Variants in DLC1 observed in about 807,000 individuals in gnomAD.
The protein encoded by DLC1 is DLC1 Rho GTPase activating protein.
Under a neutral mutation model 140.3 loss-of-function variants are expected in DLC1, and 54 were observed. The observed-to-expected ratio is 0.38, with a 90% CI of 0.31 to 0.48. DLC1 has a LOEUF of 0.48. DLC1 is among the 20% of genes least tolerant of loss of function. The pLI is 0.96. For synonymous variants in DLC1, 986 were observed against 728.1 expected, an observed-to-expected ratio of 1.35 and a Z score of -5.70; for missense variants, 2,536 against 1,907.0, an observed-to-expected ratio of 1.33 and a Z score of -6.14.
At chr8:13,119,226 TAAAAAAAA>T (rs757073542) in intron 5 of DLC1, among the ~76,000 whole-genome samples, 1 of 119,712 alleles carries the variant, frequency 8.4e-6, no homozygotes, top group Admixed American at 8.6e-5. Flanking sequence ...AGACCCTGTC[TAAAAAAAA>T]AAAAAAAAAA....
chr8:13,568,121 A>G, intron 1 of DLC1: 1 of 724,714 alleles, frequency 1.4e-6, no homozygotes, highest in East Asian at 2.9e-5. Context: ...ATAGTTATAA[A>G]AACTTTTACA....
At chr8:13,150,971 C>G (rs969253201) in intron 5 of DLC1, among the ~76,000 whole-genome samples, 1 of 152,104 alleles carries the variant, frequency 6.6e-6, no homozygotes, top group African/African-American at 2.4e-5. Flanking sequence ...GTAGTCAAGG[C>G]CCTCAGTGAA....
At chr8:13,201,987 C>G (rs1354878958) in intron 5 of DLC1, among the ~76,000 whole-genome samples, 1 of 145,716 alleles carries the variant, frequency 6.9e-6, no homozygotes, top group Non-Finnish European at 1.5e-5. Context: ...TGCTCTGTCA[C>G]CAGGCTGGAG....
rs533702249 is a variant in DLC1, at chr8:13,522,843, T to G, written c.-125-22647A>C. Among the ~76,000 whole-genome samples the G allele has an allele frequency of 2.0e-4, 31 of 152,024 alleles. No homozygotes were observed. In the East Asian group the frequency reaches 5.4e-3, roughly 27 times the overall value. On this transcript the variant is annotated intron_variant, in intron 1 of 1. Coordinates refer to the DLC1 transcript ENST00000631382. ...GCAAAGGTGGCTTATCAGTAATGAC[T>G]TAAAAAAAGGTGAGAGAGATGACCA...
At chr8:13,383,315 G>A (rs1376493741) in intron 4 of DLC1, among the ~76,000 whole-genome samples, 2 of 152,150 alleles carry the variant, frequency 1.3e-5, no homozygotes, top group African/African-American at 2.4e-5. Flanking sequence ...GAGGGTCTAC[G>A]GTTGTTATTC....
intron 4 of DLC1, among the ~76,000 whole-genome samples, chr8:13,337,091 T>C (rs1833839687): frequency 6.6e-6 from 1 of 152,172 alleles, no homozygotes; most frequent in Non-Finnish European, 1.5e-5. Context: ...TTCAAATACC[T>C]GCTTGACAAT....
intron 5 of DLC1, among the ~76,000 whole-genome samples, chr8:13,207,881 T>C (rs1471343114): frequency 1.3e-5 from 2 of 152,188 alleles, no homozygotes; most frequent in African/African-American, 4.8e-5. Flanking sequence ...TTAGTGATTA[T>C]GATATACATA....
chr8:13,368,929 T>C (rs1380273890), intron 4 of DLC1, among the ~76,000 whole-genome samples: 1 of 152,132 alleles, frequency 6.6e-6, no homozygotes, highest in Non-Finnish European at 1.5e-5. Flanking sequence ...TTTCAAGCAA[T>C]TCCCCTGCCT....
intron 4 of DLC1, among the ~76,000 whole-genome samples, chr8:13,380,825 T>C (rs1836217569): frequency 6.6e-6 from 1 of 152,212 alleles, no homozygotes; most frequent in African/African-American, 2.4e-5. Context: ...TGGAGGAGAA[T>C]GCATTCAAGA....
At chr8:13,118,063 G>A (rs1047392471) in intron 5 of DLC1, among the ~76,000 whole-genome samples, 2 of 145,656 alleles carry the variant, frequency 1.4e-5, no homozygotes, top group Admixed American at 7.0e-5. Flanking sequence ...AGGCTAAAGG[G>A]CAGTGTTATG....
At chr8:13,586,063 C>A (rs1805297539) in intron 1 of DLC1, among the ~76,000 whole-genome samples, 1 of 152,106 alleles carries the variant, frequency 6.6e-6, no homozygotes, top group Non-Finnish European at 1.5e-5. Flanking sequence ...TTATAATTAT[C>A]TTGGAAGTTT....
intron 2 of DLC1, among the ~76,000 whole-genome samples, chr8:13,487,008 G>A (rs183615862): frequency 6.6e-6 from 1 of 152,126 alleles, no homozygotes; most frequent in African/African-American, 2.4e-5. Flanking sequence ...CTGTGGATGG[G>A]GTGAGGCAAA....
intron 2 of DLC1, among the ~76,000 whole-genome samples, chr8:13,483,897 C>G (rs943827203): frequency 2.0e-5 from 3 of 152,092 alleles, no homozygotes; most frequent in African/African-American, 7.2e-5. Context: ...GCCTGGCCAA[C>G]AGGGTGAACC....
chr8:13,373,001 C>G (rs371598272), intron 4 of DLC1, among the ~76,000 whole-genome samples: 4 of 152,096 alleles, frequency 2.6e-5, no homozygotes, highest in African/African-American at 9.7e-5. Flanking sequence ...GAGCCTAAAC[C>G]CAAATTACAA....
chr8:13,474,038 A>T (rs1800325134), intron 2 of DLC1, among the ~76,000 whole-genome samples: 1 of 152,218 alleles, frequency 6.6e-6, no homozygotes, highest in African/African-American at 2.4e-5. Context: ...TCCCCAAGAC[A>T]GTGGGGAAAA....
chr8:13,086,443 G>C lies in DLC1; in HGVS notation c.4313C>G (p.Pro1438Arg), dbSNP rs1261718722. Residue 1438 changes from proline to arginine, a missense_variant, in exon 17 of 18, where the codon CCC (proline) becomes CGC (arginine). By Grantham distance (103) the Pro-to-Arg change is moderately radical (BLOSUM62 -2). Transcript: ENST00000276297. ...TAGTAAAAGGGCACAGGCTCCTTTG[G>C]GTAAATTAGTCCTCCAGGTTCTGTA... ...VVLRTWRTNLPKGACALLLTS... is the reference protein window; with the variant it reads ...VVLRTWRTNLRKGACALLLTS... The C allele has an allele frequency of 2.5e-6, 4 of 1,614,060 alleles. No individual in the cohort carries two copies. Among genetic ancestry groups the C allele is most frequent in the East Asian group, 2.2e-5 (1 of 44,870 alleles).
chr8:13,497,888 T>C (rs1801586932), intron 2 of DLC1, among the ~76,000 whole-genome samples: 1 of 152,208 alleles, frequency 6.6e-6, no homozygotes, highest in South Asian at 2.1e-4. Flanking sequence ...TGGACACTGA[T>C]TTTTGCTGTA....
In DLC1 at chr8:13,224,385, C is replaced by T. The variant is rs192559276; in HGVS notation, c.1348+80884G>A. Among the ~76,000 whole-genome samples, 203 of 152,228 alleles carry T rather than the reference C, an allele frequency of 1.3e-3. No individual in the cohort carries two copies. The Middle Eastern group carries it at 0.027, about 20-fold the overall frequency. ...AACTTGTCCATGATCATCATGAGAC[C>T]AAACAGCACAGTCTCAACTGTTTAT... is the stretch of plus-strand genomic sequence containing the variant. On this transcript the variant is annotated intron_variant, in intron 5 of 17. Transcript: ENST00000276297.
intron 1 of DLC1, among the ~76,000 whole-genome samples, chr8:13,500,832 G>A (rs1018674662): frequency 2.4e-5 from 3 of 122,682 alleles, no homozygotes; most frequent in African/African-American, 9.0e-5. Context: ...TTTACAATTA[G>A]GACAGATACA....
Sources: gnomAD v4.1 joint callset for allele counts (sites outside exome capture counted in the v4.1 genomes callset) on GRCh38, gnomAD v4.1.1 for gene constraint, MANE v1.5 for transcripts, NCBI Gene and HGNC (gene_info 2026-07-23, HGNC 2026-07-21) for gene names.